The following SNX31 variants were observed in gnomAD, a reference collection of about 807,000 sequenced individuals.
SNX31 encodes the protein sorting nexin-31.
SNX31 carries 58 observed loss-of-function variants against 65.4 expected under a neutral mutation model. That is an observed-to-expected ratio of 0.89 (90% CI 0.72 to 1.10). The LOEUF is 1.10. Among genes scored for constraint, SNX31 ranks in the 50% least tolerant of loss-of-function variants. The probability of loss-of-function intolerance (pLI) is 0.00; values close to 1 mark genes in which losing one functional copy is unlikely to be tolerated. For synonymous variants in SNX31, 181 were observed against 190.1 expected, an observed-to-expected ratio of 0.95 and a Z score of 0.39; for missense variants, 523 against 529.7, an observed-to-expected ratio of 0.99 and a Z score of 0.12.
Position 100,610,019 on chromosome 8 carries a change from G to A in SNX31, c.612-1456C>T, listed in dbSNP as rs1001954486. Among the ~76,000 whole-genome samples, 4 of 152,146 alleles carry A rather than the reference G, an allele frequency of 2.6e-5. No individual in the cohort carries two copies. Among genetic ancestry groups the A allele is most frequent in the African/African-American group, 9.7e-5 (4 of 41,434 alleles). ...GGAGCTAGCCTTCCAGCTCCCATGC[G>A]GCAAGACTTCCCTCTGGAAAGAGGG... On this transcript the variant is annotated intron_variant, in intron 7 of 13. Coordinates refer to ENST00000311812, the MANE Select transcript of SNX31 (RefSeq NM_152628.4). This position sits in a 1 kb window ranked among gnomAD's most constrained non-coding sequence, Gnocchi z 4.0.
intron 4 of SNX31, among the ~76,000 whole-genome samples, chr8:100,628,596 G>C (rs1266725509): frequency 2.0e-5 from 3 of 151,820 alleles, no homozygotes; most frequent in Non-Finnish European, 1.5e-5. Context: ...GTTGTGGGGT[G>C]GGGGGAAGGG....
At chr8:100,606,031 C>G (rs757302662) in intron 8 of SNX31, among the ~76,000 whole-genome samples, 9 of 151,736 alleles carry the variant, frequency 5.9e-5, no homozygotes, top group Non-Finnish European at 1.2e-4. Flanking sequence ...ATCAAGTACA[C>G]TGAACATGAT....
At chr8:100,616,761 G>T (rs1294208024) in intron 5 of SNX31, among the ~76,000 whole-genome samples, 4 of 152,162 alleles carry the variant, frequency 2.6e-5, no homozygotes, top group African/African-American at 4.8e-5. Flanking sequence ...GTCAAGGCAG[G>T]CCCGAAGAGC....
Position 100,581,341 on chromosome 8 carries a change from A to C in SNX31, c.1170+2770T>G, listed in dbSNP as rs141500724. On this transcript the variant is annotated intron_variant, in intron 12 of 13. Transcript: ENST00000311812. ...TATCTATATCTATCTATCTATCTAT[A>C]TATATATATATATATAATTTAAGAA... 8.3e-3 allele frequency among the ~76,000 whole-genome samples: 1,206 copies of C among 146,026 alleles called. 16 individuals are homozygous for C. Among genetic ancestry groups the C allele is most frequent in the East Asian group, 0.029 (149 of 5,102 alleles).
At chr8:100,592,851 A>G (rs1814707509) in intron 10 of SNX31, among the ~76,000 whole-genome samples, 1 of 152,230 alleles carries the variant, frequency 6.6e-6, no homozygotes, top group South Asian at 2.1e-4. Flanking sequence ...CATGCTAGGT[A>G]AAAAAGCTAG....
chr8:100,596,826 C>G lies in SNX31; in HGVS notation c.791G>C (p.Arg264Pro). ...DSQTKFLELA[R>P]EVRHYGYLQL... The stretch of plus-strand genomic sequence containing the variant: ...CAGGTATCCATAGTGCCGTACCTCC[C>G]GGGCCAGCTCCAAAAACTGCTCCAA... Residue 264 changes from arginine to proline, a missense_variant, in exon 10 of 14, where the codon CGG (arginine) becomes CCG (proline). Transcript: ENST00000311812. 1 of 1,613,638 alleles carries G rather than the reference C, an allele frequency of 6.2e-7. No homozygotes were observed. The highest frequency in any genetic ancestry group is 8.5e-7 in the Non-Finnish European group (1 of 1,180,014).
chr8:100,573,679 C>A lies in SNX31; in HGVS notation c.*186G>T. On this transcript the variant is annotated 3_prime_UTR_variant, in exon 14 of 14. Transcript: ENST00000311812. ...CTATAACTTGGTTCTTTTTTTTTTT[C>A]TAATCTTGAGATTTCCATAGAGTGC... 2 of 360,302 alleles carry A rather than the reference C, an allele frequency of 5.6e-6. No homozygotes were observed. The highest frequency in any genetic ancestry group is 4.7e-5 in the Admixed American group (1 of 21,072). The allele number at this position is 360,302 out of a possible 1,614,324, so 22.3% of individuals were successfully genotyped here.
chr8:100,655,149 G>A (rs141308646), intron 1 of SNX31, among the ~76,000 whole-genome samples: 18 of 152,246 alleles, frequency 1.2e-4, no homozygotes, highest in South Asian at 4.2e-4. Context: ...GGTGACGTCC[G>A]GTCTGCCACA....
chr8:100,647,717 G>T (rs1286934663), intron 2 of SNX31, among the ~76,000 whole-genome samples: 1 of 152,140 alleles, frequency 6.6e-6, no homozygotes. Context: ...GGACGCAGTT[G>T]ATCAGTCACA....
intron 7 of SNX31, among the ~76,000 whole-genome samples, chr8:100,611,397 G>A (rs919753695): frequency 6.6e-6 from 1 of 151,834 alleles, no homozygotes; most frequent in Non-Finnish European, 1.5e-5. Context: ...TTTCTTGTTC[G>A]CCTATCAGTA....
intron 3 of SNX31, among the ~76,000 whole-genome samples, chr8:100,635,682 C>T (rs920119322): frequency 6.6e-6 from 1 of 151,726 alleles, no homozygotes; most frequent in African/African-American, 2.4e-5. Context: ...GTTGCCAGGG[C>T]GTGGTGGGGG....
intron 1 of SNX31, among the ~76,000 whole-genome samples, chr8:100,654,819 C>G (rs1202492256): frequency 2.0e-5 from 3 of 152,126 alleles, no homozygotes; most frequent in Admixed American, 2.0e-4. Flanking sequence ...TCGAGACCAG[C>G]CTGGCCAACA....
chr8:100,578,684 T>TTTTTATTTTATTTTATTTTA lies in SNX31; in HGVS notation c.1171-1629_1171-1610dup, dbSNP rs138548509. On this transcript the variant is annotated intron_variant, in intron 12 of 13. Coordinates refer to ENST00000311812, the MANE Select transcript of SNX31 (RefSeq NM_152628.4). The surrounding 1 kb of genome is among the most constrained non-coding windows in gnomAD (Gnocchi z 4.7). ...ACATATTTAAGCCTATTTCAATGAT[T>TTTTTATTTTATTTTATTTTA]TTTTATTTTATTTTATTTTATTTTA... is the stretch of plus-strand genomic sequence containing the variant. Among the ~76,000 whole-genome samples, 79 of 145,470 alleles carry TTTTTATTTTATTTTATTTTA rather than the reference T, an allele frequency of 5.4e-4. No homozygotes were observed. The highest frequency in any genetic ancestry group is 1.2e-3 in the African/African-American group (46 of 38,800).
rs1491502174 is a variant in SNX31, at chr8:100,581,329, C to CTATA, written c.1170+2781_1170+2782insTATA. ...AAATTTTTTATATATCTATATCTAT[C>CTATA]TATCTATCTATATATATATATATAT... On this transcript the variant is annotated intron_variant, in intron 12 of 13. Transcript: ENST00000311812. 3.2e-3 allele frequency among the ~76,000 whole-genome samples: 258 copies of CTATA among 80,160 alleles called. 5 individuals carry two copies. The highest frequency in any genetic ancestry group is 0.017 in the South Asian group (44 of 2,588). The allele number at this position is 80,160 out of a possible 152,430, so 52.6% of individuals were successfully genotyped here. A position where few individuals can be genotyped will look rare whatever the true frequency, so the allele number is the denominator to read the frequency against.
chr8:100,602,102 C>T (rs1237513647), intron 8 of SNX31, among the ~76,000 whole-genome samples: 1 of 152,184 alleles, frequency 6.6e-6, no homozygotes, highest in Non-Finnish European at 1.5e-5. Context: ...AGGGAAGACC[C>T]CGCGCCCGTC....
chr8:100,635,020 G>T (rs984741961), intron 3 of SNX31, among the ~76,000 whole-genome samples: 3 of 152,008 alleles, frequency 2.0e-5, no homozygotes, highest in African/African-American at 7.3e-5. Flanking sequence ...AGCCACGATT[G>T]TGCCACTGTA....
rs1486768272 is a variant in SNX31 at position 100,594,510 on chromosome 8, G to A, written c.978+2129C>T. Among the ~76,000 whole-genome samples the A allele has an allele frequency of 1.3e-5, 2 of 152,130 alleles. No individual in the cohort carries two copies. The highest frequency in any genetic ancestry group is 2.4e-5 in the African/African-American group (1 of 41,440). On this transcript the variant is annotated intron_variant, in intron 10 of 13. Transcript: ENST00000311812. This position sits in a 1 kb window ranked among gnomAD's most constrained non-coding sequence, Gnocchi z 4.0. Reference sequence around the variant, plus strand: ...AGATATGAGAAGACATTTTACCAAAGAAGATATACAGATGGCAAATAAACA... The same window carrying A: ...AGATATGAGAAGACATTTTACCAAAAAAGATATACAGATGGCAAATAAACA...
chr8:100,599,362 T>C (rs1382628133), intron 9 of SNX31, among the ~76,000 whole-genome samples: 2 of 152,150 alleles, frequency 1.3e-5, no homozygotes, highest in African/African-American at 4.8e-5. Flanking sequence ...CAGTTTGTAA[T>C]TGCATCTGAA....
At chr8:100,636,303 G>A (rs1248974903) in intron 2 of SNX31, among the ~76,000 whole-genome samples, 1 of 152,192 alleles carries the variant, frequency 6.6e-6, no homozygotes, top group Non-Finnish European at 1.5e-5. Flanking sequence ...ACTAGCCACT[G>A]CTCACATCAT....
Sources: allele counts gnomAD v4.1 joint callset (sites outside exome capture counted in the v4.1 genomes callset), GRCh38; gene constraint gnomAD v4.1.1; non-coding constraint Gnocchi (gnomAD v3.1); transcripts MANE v1.5; gene names NCBI Gene and HGNC (gene_info 2026-07-23, HGNC 2026-07-21).